The following VSIG8 variants were observed in gnomAD, a reference collection of about 807,000 sequenced individuals.
The protein encoded by VSIG8 is V-set and immunoglobulin domain-containing protein 8.
Under a neutral mutation model 42.6 loss-of-function variants are expected in VSIG8, and 32 were observed. That is an observed-to-expected ratio of 0.75 (90% CI 0.57 to 1.01). The LOEUF is 1.01. Ranked by LOEUF, VSIG8 falls within the 50% of genes least tolerant of loss-of-function variation. VSIG8 has a pLI of 0.00. For synonymous variants in VSIG8, 290 were observed against 243.8 expected (o/e 1.19, Z -1.77); for missense variants, 529 against 558.0 (o/e 0.95, Z 0.52).
At chr1:159,855,281 G>A in intron 6 of VSIG8, 1 of 1,549,534 alleles carries the variant, frequency 6.5e-7, no homozygotes, top group South Asian at 1.2e-5. Context: ...GAGCCCTGCA[G>A]GCAGCCCCCT....
intron 1 of VSIG8, 141 bp from the exon 2 acceptor site, chr1:159,859,053 T>C (rs1209901749): frequency 1.2e-6 from 1 of 811,262 alleles, no homozygotes; most frequent in Non-Finnish European, 1.9e-6. Flanking sequence ...GGGCTGCTCG[T>C]AGTGGGTGTG....
In VSIG8 at chr1:159,862,553, C is replaced by A; in HGVS notation, c.-32G>T. The A allele has an allele frequency of 5.0e-6, 8 of 1,603,294 alleles. No individual in the cohort carries two copies. Among genetic ancestry groups the A allele is most frequent in the Non-Finnish European group, 6.8e-6 (8 of 1,173,850 alleles). On this transcript the variant is annotated 5_prime_UTR_variant, in exon 1 of 7. Coordinates refer to ENST00000368100, the MANE Select transcript of VSIG8 (RefSeq NM_001013661.1). ...AGGCTCGGTGTTTCCTCCGTCTGGG[C>A]TGGGTATCCCGTGGGGTCGTAGTGG...
Position 159,862,587 on chromosome 1 carries a change from A to G in VSIG8, c.-66T>C. ...CCGTGGGGTCGTAGTGGTGGGTGTGAGGGGGTAGGTGGAGGGAGGGGGAGC... is the reference window on the plus strand; with the variant it reads ...CCGTGGGGTCGTAGTGGTGGGTGTGGGGGGGTAGGTGGAGGGAGGGGGAGC... On this transcript the variant is annotated 5_prime_UTR_variant, in exon 1 of 7. Transcript: ENST00000368100. 5.2e-6 allele frequency: 4 copies of G among 775,706 alleles called. No individual in the cohort carries two copies. The highest frequency in any genetic ancestry group is 1.4e-5 in the South Asian group (1 of 70,396). The allele number at this position is 775,706 out of a possible 1,614,324, so 48.1% of individuals were successfully genotyped here.
At chr1:159,860,042 T>C (rs188452710) in intron 1 of VSIG8, among the ~76,000 whole-genome samples, 1 of 152,204 alleles carries the variant, frequency 6.6e-6, no homozygotes, top group East Asian at 1.9e-4. Flanking sequence ...CAACCCTGCC[T>C]CTGCAGGCCC....
rs764305063 is a variant in VSIG8, at chr1:159,857,844, C to A, written c.553G>T (p.Gly185Trp). ...CCAGCTCGATAGGGGTAATGGTGCC[C>A]ACTGATCTTGGCCCACTTGTAGGAG... ...PLSYKWAKIS[G>W]HHYPYRAGSY... The change falls in exon 4 of 7, where the codon GGG becomes TGG. Residue 185 changes from glycine (G) to tryptophan (W), a missense_variant. Gly to Trp is a radical substitution (Grantham distance 184). Transcript: ENST00000368100. 6.2e-7 allele frequency: 1 copy of A among 1,614,218 alleles called. No individual in the cohort carries two copies. Among genetic ancestry groups the A allele is most frequent in the African/African-American group, 1.3e-5 (1 of 75,070 alleles).
rs1024313153 is a variant in VSIG8, at chr1:159,854,819, G to A, written c.1179C>T (p.Val393=). Reference sequence around the variant, plus strand: ...CGCAGTCAGCCGGCTCCGCGCTCTTGACCTTGACGTAGACCGGGGAGGGGC... The same window carrying A: ...CGCAGTCAGCCGGCTCCGCGCTCTTAACCTTGACGTAGACCGGGGAGGGGC... ...EAGPSPVYVK[V]KSAEPADCAE... The change falls in exon 7 of 7, where the codon GTC becomes GTT. Residue 393 remains valine (V), a synonymous_variant. Coordinates refer to ENST00000368100, the MANE Select transcript of VSIG8 (RefSeq NM_001013661.1). The A allele has an allele frequency of 1.5e-5, 23 of 1,503,124 alleles. No homozygotes were observed. The African/African-American group carries it at 3.1e-4, about 20-fold the overall frequency. The allele number at this position is 1,503,124 out of a possible 1,614,324, so 93.1% of individuals were successfully genotyped here. A position where few individuals can be genotyped will look rare whatever the true frequency, so the allele number is the denominator to read the frequency against.
chr1:159,857,869 G>C lies in VSIG8; in HGVS notation c.528C>G (p.Leu176=). 6.2e-7 allele frequency: 1 copy of C among 1,614,230 alleles called. No homozygotes were observed. Among genetic ancestry groups the C allele is most frequent in the Non-Finnish European group, 8.5e-7 (1 of 1,180,038 alleles). Residue 176 remains leucine, a synonymous_variant, in exon 4 of 7, where the codon CTC becomes CTG. Coordinates refer to ENST00000368100, the MANE Select transcript of VSIG8 (RefSeq NM_001013661.1). ...CACTGATCTTGGCCCACTTGTAGGA[G>C]AGGGGCTGGGAGCCCCCACTGGCAT... is the stretch of plus-strand genomic sequence containing the variant. ...KCYASGGSQP[L]SYKWAKISGH...
In VSIG8 at chr1:159,854,813, G is replaced by T. The variant is rs755583013; in HGVS notation, c.1185C>A (p.Ser395Arg). The T allele has an allele frequency of 6.7e-7, 1 of 1,503,148 alleles. No homozygotes were observed. Among genetic ancestry groups the T allele is most frequent in the South Asian group, 1.2e-5 (1 of 81,244 alleles). The allele number at this position is 1,503,148 out of a possible 1,614,324, so 93.1% of individuals were successfully genotyped here. The change falls in exon 7 of 7, where the codon AGC (serine) becomes AGA (arginine). Residue 395 changes from serine to arginine, a missense_variant. Transcript: ENST00000368100. ...CCTCGGCGCAGTCAGCCGGCTCCGC[G>T]CTCTTGACCTTGACGTAGACCGGGG... ...GPSPVYVKVK[S>R]AEPADCAEGP...
At chr1:159,856,946 G>A (rs1267042092) in intron 4 of VSIG8, among the ~76,000 whole-genome samples, 2 of 152,192 alleles carry the variant, frequency 1.3e-5, no homozygotes, top group Non-Finnish European at 2.9e-5. Flanking sequence ...GTACAGTGAG[G>A]ACAGGAGAAG....
At position 159,858,984 on chromosome 1, in the gene VSIG8, T is replaced by C. The variant is rs908542527; in HGVS notation, c.50-72A>G. The C allele has an allele frequency of 2.1e-4, 314 of 1,506,288 alleles. 6 individuals carry two copies. In the South Asian group the frequency reaches 2.4e-3, roughly 11 times the overall value. The allele number at this position is 1,506,288 out of a possible 1,614,324, so 93.3% of individuals were successfully genotyped here. A position where few individuals can be genotyped will look rare whatever the true frequency, so the allele number is the denominator to read the frequency against. On this transcript the variant is annotated intron_variant, in intron 1 of 6. Transcript: ENST00000368100. ...CTTCAGGAGGAGTCAGTGTCAGCCC[T>C]TCCCTTCATATTCTCTGTCCACGGC...
intron 1 of VSIG8, chr1:159,861,616 G>A (rs4074846): frequency 0.31 from 46,781 of 151,584 alleles, 8,944 homozygotes; most frequent in Admixed American, 0.42. Context: ...ACACATTCAC[G>A]CTCACACAAA....
Position 159,858,139 on chromosome 1 carries a change from C to A in VSIG8, c.381G>T (p.Arg127=), listed in dbSNP as rs1648907200. The A allele has an allele frequency of 6.2e-7, 1 of 1,614,180 alleles. No homozygotes were observed. Among genetic ancestry groups the A allele is most frequent in the Non-Finnish European group, 8.5e-7 (1 of 1,180,024 alleles). ...QVSDTATYEC[R]VKKTTMATRK... ...GGGTGGCCATGGTGGTCTTCTTCAC[C>A]CGGCACTCATAAGTGGCTGTATCAG... Residue 127 remains arginine, a synonymous_variant, in exon 3 of 7, where the codon CGG becomes CGT. Transcript: ENST00000368100.
Position 159,855,972 on chromosome 1 carries a change from G to GGAGC in VSIG8, c.878_881dup (p.Gly295LeufsTer28). The GGAGC allele has an allele frequency of 6.3e-7, 1 of 1,594,610 alleles. No individual in the cohort carries two copies. The highest frequency in any genetic ancestry group is 8.5e-7 in the Non-Finnish European group (1 of 1,171,128). On this transcript the variant is annotated frameshift_variant, in exon 6 of 7. Transcript: ENST00000368100. LOFTEE classifies it high-confidence loss of function. ...AGGCACCGCGGGCGCCGCCAGCCCCGGAGCCCCCGCAGCAGCAGCAGACGA... is the reference window on the plus strand; with the variant it reads ...AGGCACCGCGGGCGCCGCCAGCCCCGGAGCGAGCCCCCGCAGCAGCAGCAGACGA...
chr1:159,862,449 C>G (rs746629281), intron 1 of VSIG8, 24 bp downstream of exon 1: 20 of 1,604,376 alleles, frequency 1.2e-5, no homozygotes, highest in Non-Finnish European at 1.5e-5. Context: ...TGCTGGCTAC[C>G]CTGCCCCCTG....
Position 159,858,128 on chromosome 1 carries a change from GTCT to G in VSIG8, c.389_391del (p.Lys130del). Reference sequence around the variant, plus strand: ...AATGACCTTCCGGGTGGCCATGGTGGTCTTCTTCACCCGGCACTCATAAGTGGC... The same window carrying G: ...AATGACCTTCCGGGTGGCCATGGTGGTCTTCACCCGGCACTCATAAGTGGC... On this transcript the variant is annotated inframe_deletion, in exon 3 of 7. Coordinates refer to ENST00000368100, the MANE Select transcript of VSIG8 (RefSeq NM_001013661.1). 6.2e-7 allele frequency: 1 copy of G among 1,614,200 alleles called. No individual in the cohort carries two copies. Among genetic ancestry groups the G allele is most frequent in the Non-Finnish European group, 8.5e-7 (1 of 1,180,048 alleles).
chr1:159,856,104 G>T, intron 5 of VSIG8, 23 bp from the exon 6 acceptor site: 2 of 1,600,826 alleles, frequency 1.2e-6, no homozygotes, highest in Non-Finnish European at 1.7e-6. Context: ...GTGGAGGCAG[G>T]TCAGGCTTTC....
chr1:159,855,829 G>C, intron 6 of VSIG8, 54 bp downstream of exon 6: 13 of 1,493,336 alleles, frequency 8.7e-6, no homozygotes, highest in Non-Finnish European at 1.2e-5. Context: ...AGTGAGGTGG[G>C]CAGGGCGCCG....
In VSIG8 at chr1:159,857,905, C is replaced by T. The variant is rs1265079494; in HGVS notation, c.492G>A (p.Val164=). 4 of 1,614,134 alleles carry T rather than the reference C, an allele frequency of 2.5e-6. No individual in the cohort carries two copies. The highest frequency in any genetic ancestry group is 2.7e-5 in the African/African-American group (2 of 74,960). The part of the protein sequence containing the change: ...EGHMTYGNDV[V]LKCYASGGSQ... ...AGCCCCCACTGGCATAGCACTTCAG[C>T]ACCACATCGTTGCCATATGTCATGT... is the stretch of plus-strand genomic sequence containing the variant. Residue 164 remains valine, a synonymous_variant, in exon 4 of 7, where the codon GTG becomes GTA. Coordinates refer to ENST00000368100, the MANE Select transcript of VSIG8 (RefSeq NM_001013661.1).
At position 159,856,075 on chromosome 1, in the gene VSIG8, C is replaced by G; in HGVS notation, c.779G>C (p.Arg260Pro). ...GATGCCGATGATCACGCCTATACGCCGGGAGTCTGTGGAGAGAAGTGGAGG... is the reference window on the plus strand; with the variant it reads ...GATGCCGATGATCACGCCTATACGCGGGGAGTCTGTGGAGAGAAGTGGAGG... ...CVVEVKVSDS[R>P]RIGVIIGIVL... The change falls in exon 6 of 7, where the codon CGG becomes CCG. Residue 260 changes from arginine to proline, a missense_variant. By Grantham distance (103) the Arg-to-Pro change is moderately radical. Coordinates refer to ENST00000368100, the MANE Select transcript of VSIG8 (RefSeq NM_001013661.1). 1.2e-6 allele frequency: 2 copies of G among 1,610,946 alleles called. No individual in the cohort carries two copies. The highest frequency in any genetic ancestry group is 1.7e-6 in the Non-Finnish European group (2 of 1,178,866).
Sources: gnomAD v4.1 joint callset for allele counts (sites outside exome capture counted in the v4.1 genomes callset) on GRCh38, gnomAD v4.1.1 for gene constraint, MANE v1.5 for transcripts, NCBI Gene and HGNC (gene_info 2026-07-23, HGNC 2026-07-21) for gene names.